The following KLHL29 variants were observed in gnomAD, a reference collection of about 807,000 sequenced individuals.
The protein encoded by KLHL29 is kelch-like protein 29.
A neutral mutation model predicts 80.4 loss-of-function variants in KLHL29; 21 were observed. That is an observed-to-expected ratio of 0.26 (90% CI 0.19 to 0.38). The LOEUF is 0.38. Among genes scored for constraint, KLHL29 ranks in the 10% least tolerant of loss-of-function variants. KLHL29 has a pLI of 1.00. For missense variants in KLHL29, 867 were observed against 1,223.9 expected (o/e 0.71, Z 4.35); for synonymous variants, 511 against 526.8 (o/e 0.97, Z 0.41).
intron 1 of KLHL29, among the ~76,000 whole-genome samples, chr2:23,393,870 A>G (rs867582503): frequency 2.6e-5 from 4 of 152,172 alleles, no homozygotes; most frequent in Non-Finnish European, 5.9e-5. Context: ...CGGCACTGGC[A>G]CGGTCACTCC....
intron 1 of KLHL29, among the ~76,000 whole-genome samples, chr2:23,455,554 A>G (rs1185666400): frequency 1.3e-5 from 2 of 151,490 alleles, no homozygotes; most frequent in Non-Finnish European, 2.9e-5. Context: ...CAGGCAGACA[A>G]GTTTGCCATT....
rs955656294 is a variant in KLHL29 at position 23,457,002 on chromosome 2, G to A, written c.-153-18558G>A. ...GCCTGGCTACATGGAAGGGAGCAGG[G>A]TGGCGGCATCTCAGGTGTCAGGGCC... On this transcript the variant is annotated intron_variant, in intron 1 of 13. Transcript: ENST00000486442. The surrounding 1 kb of genome is among the most constrained non-coding windows in gnomAD (Gnocchi z 4.3). Among the ~76,000 whole-genome samples the A allele has an allele frequency of 2.6e-5, 4 of 152,224 alleles. No individual in the cohort carries two copies. Among genetic ancestry groups the A allele is most frequent in the African/African-American group, 9.7e-5 (4 of 41,448 alleles).
At chr2:23,536,204 A>T (rs1666655659) in intron 2 of KLHL29, among the ~76,000 whole-genome samples, 1 of 152,140 alleles carries the variant, frequency 6.6e-6, no homozygotes, top group Admixed American at 6.5e-5. Context: ...TGATTTTCCC[A>T]TCTGACTCTC....
intron 1 of KLHL29, among the ~76,000 whole-genome samples, chr2:23,456,932 A>C (rs1020668238): frequency 1.3e-5 from 2 of 152,102 alleles, no homozygotes; most frequent in African/African-American, 4.8e-5. Context: ...GGGAGAAAAA[A>C]GGTGGTAGGG....
chr2:23,404,568 G>C (rs1300362531), intron 1 of KLHL29, among the ~76,000 whole-genome samples: 1 of 152,214 alleles, frequency 6.6e-6, no homozygotes, highest in Non-Finnish European at 1.5e-5. Flanking sequence ...ACGCCCACAA[G>C]AGGGCATTTT....
At chr2:23,671,391 CTT>C (rs1365934703) in intron 5 of KLHL29, among the ~76,000 whole-genome samples, 3 of 152,068 alleles carry the variant, frequency 2.0e-5, no homozygotes, top group Non-Finnish European at 4.4e-5. Flanking sequence ...AGGTGGCTGA[CTT>C]TCCCAAAGCC....
intron 5 of KLHL29, among the ~76,000 whole-genome samples, chr2:23,671,214 C>A (rs778563796): frequency 3.3e-5 from 5 of 151,846 alleles, no homozygotes; most frequent in Non-Finnish European, 7.4e-5. Flanking sequence ...TATTTATTTG[C>A]TGGAACTGTG....
intron 2 of KLHL29, among the ~76,000 whole-genome samples, chr2:23,533,930 C>CTGT (rs1195907643): frequency 2.2e-5 from 3 of 134,402 alleles, no homozygotes; most frequent in Admixed American, 7.2e-5. Flanking sequence ...CCTATGGTGT[C>CTGT]TGTTGTTTTT....
chr2:23,530,616 T>A (rs1666461236), intron 2 of KLHL29, among the ~76,000 whole-genome samples: 1 of 152,312 alleles, frequency 6.6e-6, no homozygotes, highest in Non-Finnish European at 1.5e-5. Flanking sequence ...AAATAGTTCT[T>A]CCATCGTGTG....
At chr2:23,572,909 C>T (rs1220748440) in intron 3 of KLHL29, among the ~76,000 whole-genome samples, 1 of 152,160 alleles carries the variant, frequency 6.6e-6, no homozygotes, top group Non-Finnish European at 1.5e-5. Flanking sequence ...ACCATGGTCT[C>T]GATCTCCTGA....
At chr2:23,495,685 C>T (rs1665241947) in intron 2 of KLHL29, among the ~76,000 whole-genome samples, 1 of 152,186 alleles carries the variant, frequency 6.6e-6, no homozygotes, top group Admixed American at 6.5e-5. Context: ...GCGAGAGTGA[C>T]GGCCCCTCCT....
At chr2:23,479,464 G>A (rs970680387) in intron 2 of KLHL29, among the ~76,000 whole-genome samples, 3 of 151,942 alleles carry the variant, frequency 2.0e-5, no homozygotes, top group East Asian at 1.9e-4. Flanking sequence ...GTGAGCTGCC[G>A]TCCTCCAGCT....
At chr2:23,416,810 C>A (rs1280502043) in intron 1 of KLHL29, among the ~76,000 whole-genome samples, 1 of 152,152 alleles carries the variant, frequency 6.6e-6, no homozygotes, top group East Asian at 1.9e-4. Context: ...ATTCTCTCTT[C>A]AGTATTGTTA....
At chr2:23,404,872 C>A (rs924381334) in intron 1 of KLHL29, among the ~76,000 whole-genome samples, 1 of 152,184 alleles carries the variant, frequency 6.6e-6, no homozygotes, top group African/African-American at 2.4e-5. Flanking sequence ...ATATTGTCGA[C>A]CCCATCCATA....
At chr2:23,433,580 G>C (rs1663247378) in intron 1 of KLHL29, among the ~76,000 whole-genome samples, 1 of 152,170 alleles carries the variant, frequency 6.6e-6, no homozygotes, top group Non-Finnish European at 1.5e-5. Flanking sequence ...TAGGCAAATG[G>C]ATTTCCAACT....
At chr2:23,704,208 A>G (rs929078852) in intron 13 of KLHL29, among the ~76,000 whole-genome samples, 3 of 152,240 alleles carry the variant, frequency 2.0e-5, no homozygotes, top group Non-Finnish European at 4.4e-5. Flanking sequence ...GTGCCAGGCC[A>G]GAGCTGTGTG....
chr2:23,498,394 TC>T (rs1665332708), intron 2 of KLHL29, among the ~76,000 whole-genome samples: 2 of 152,174 alleles, frequency 1.3e-5, no homozygotes, highest in Admixed American at 1.3e-4. Flanking sequence ...TGCCCTGACA[TC>T]CAGCTGGCTG....
In KLHL29 at chr2:23,539,431, C is replaced by CTTTTTTTTTTTTTTTTTTTTTT. The variant is rs1666768797; in HGVS notation, c.-45-22721_-45-22720insTTTTTTTTTTTTTTTTTTTTTT. The stretch of plus-strand genomic sequence containing the variant: ...ATGCTTTGCTAGCCTTATCCTGCCT[C>CTTTTTTTTTTTTTTTTTTTTTT]CTTTTTTTTTTTTTTTTTTTTTTTT... On this transcript the variant is annotated intron_variant, in intron 2 of 13. Transcript: ENST00000486442. Among the ~76,000 whole-genome samples, 17 of 107,214 alleles carry CTTTTTTTTTTTTTTTTTTTTTT rather than the reference C, an allele frequency of 1.6e-4. 8 individuals are homozygous for CTTTTTTTTTTTTTTTTTTTTTT. Among genetic ancestry groups the CTTTTTTTTTTTTTTTTTTTTTT allele is most frequent in the South Asian group, 6.6e-4 (2 of 3,046 alleles). The allele number at this position is 107,214 out of a possible 152,430, so 70.3% of individuals were successfully genotyped here. A position where few individuals can be genotyped will look rare whatever the true frequency, so the allele number is the denominator to read the frequency against.
At chr2:23,627,330 G>T (rs1669340809) in intron 3 of KLHL29, among the ~76,000 whole-genome samples, 1 of 152,214 alleles carries the variant, frequency 6.6e-6, no homozygotes, top group Non-Finnish European at 1.5e-5. Context: ...ATCCTGCCTG[G>T]CCACACGTGG....
Sources: gnomAD v4.1 joint callset for allele counts (sites outside exome capture counted in the v4.1 genomes callset) on GRCh38, gnomAD v4.1.1 for gene constraint, Gnocchi (gnomAD v3.1) non-coding constraint, MANE v1.5 for transcripts, NCBI Gene and HGNC (gene_info 2026-07-23, HGNC 2026-07-21) for gene names.